Variants in DDX60 observed in about 807,000 individuals in gnomAD.
DDX60 encodes DExD/H-box helicase 60, also known as probable ATP-dependent RNA helicase DDX60.
DDX60 carries 165 observed loss-of-function variants against 212.8 expected under a neutral mutation model. That is an observed-to-expected ratio of 0.78 (90% confidence interval 0.68 to 0.88). The LOEUF (loss-of-function observed/expected upper bound fraction) is 0.88. Ranked by LOEUF, DDX60 falls within the 40% of genes least tolerant of loss-of-function variation. The pLI is 0.00. For missense variants in DDX60, 1,905 were observed against 2,003.9 expected (o/e 0.95, Z 0.94); for synonymous variants, 703 against 685.3 (o/e 1.03, Z -0.40).
At chr4:168,278,822 A>G (rs1488065598) in intron 14 of DDX60, among the ~76,000 whole-genome samples, 3 of 152,188 alleles carry the variant, frequency 2.0e-5, no homozygotes, top group Non-Finnish European at 2.9e-5. Context: ...GCGAGGCTCC[A>G]TCTCAAAAAC....
At chr4:168,271,928 G>T in intron 19 of DDX60, 115 bp downstream of exon 19, 2 of 785,666 alleles carry the variant, frequency 2.5e-6, no homozygotes, top group Non-Finnish European at 4.0e-6. Flanking sequence ...AAAAAACGGA[G>T]GCCTTCTCAA....
At chr4:168,267,182 T>A (rs1734883929) in intron 22 of DDX60, among the ~76,000 whole-genome samples, 1 of 152,194 alleles carries the variant, frequency 6.6e-6, no homozygotes, top group Non-Finnish European at 1.5e-5. Flanking sequence ...AGTGAGAATG[T>A]CTTTTACCTG....
At chr4:168,229,130 G>A (rs562293229) in intron 33 of DDX60, among the ~76,000 whole-genome samples, 1 of 152,070 alleles carries the variant, frequency 6.6e-6, no homozygotes, top group Non-Finnish European at 1.5e-5. Flanking sequence ...AAAGCCAAGA[G>A]AATCCACAGA....
intron 10 of DDX60, among the ~76,000 whole-genome samples, chr4:168,286,596 T>A (rs914999308): frequency 4.6e-5 from 7 of 152,076 alleles, no homozygotes; most frequent in South Asian, 2.1e-4. Flanking sequence ...TTTGTCGGGA[T>A]CCTTTCTTAT....
At chr4:168,234,681 C>G (rs1397837307) in intron 33 of DDX60, among the ~76,000 whole-genome samples, 2 of 151,926 alleles carry the variant, frequency 1.3e-5, no homozygotes, top group Non-Finnish European at 2.9e-5. Flanking sequence ...CTCTTTTCTT[C>G]CTGCTTATTG....
chr4:168,319,459 G>A (rs1268029917), upstream of DDX60, among the ~76,000 whole-genome samples: 7 of 152,156 alleles, frequency 4.6e-5, 1 homozygote, highest in Admixed American at 3.9e-4. Flanking sequence ...AACAATACAT[G>A]AACTTTGAGT....
At chr4:168,248,902 G>A (rs1734115270) in intron 28 of DDX60, among the ~76,000 whole-genome samples, 2 of 151,986 alleles carry the variant, frequency 1.3e-5, no homozygotes, top group South Asian at 2.1e-4. Flanking sequence ...TGGGATTACA[G>A]GCACCCACCA....
intron 35 of DDX60, among the ~76,000 whole-genome samples, chr4:168,222,235 G>T (rs2149490318): frequency 6.6e-6 from 1 of 152,124 alleles, no homozygotes; most frequent in East Asian, 1.9e-4. Flanking sequence ...ATGAGCTAGA[G>T]GATTATACAT....
intron 25 of DDX60, among the ~76,000 whole-genome samples, chr4:168,259,486 C>T (rs1734539757): frequency 6.6e-6 from 1 of 152,018 alleles, no homozygotes; most frequent in Non-Finnish European, 1.5e-5. Flanking sequence ...TACATTCACC[C>T]ATCATCGTTA....
chr4:168,237,248 C>G, intron 32 of DDX60, 38 bp downstream of exon 32: 1 of 1,313,314 alleles, frequency 7.6e-7, no homozygotes. Flanking sequence ...TATTTTTGGA[C>G]TCTCTCTCTA....
Position 168,293,843 on chromosome 4 carries a change from G to T in DDX60, c.826C>A (p.His276Asn). Reference protein sequence around the residue: ...TSCSLSLRMYHRFLGNREPSS... With the variant: ...TSCSLSLRMYNRFLGNREPSS... ...GGCTCTCTGTTTCCTAAAAAGCGAT[G>T]GTACATTCTCAAAGATAATGAGCAT... is the stretch of plus-strand genomic sequence containing the variant. The change falls in exon 7 of 38, where the codon CAT becomes AAT. Residue 276 changes from histidine to asparagine, a missense_variant. Physicochemically the swap from His to Asn is moderately conservative, Grantham distance 68. Coordinates refer to ENST00000393743, the MANE Select transcript of DDX60 (RefSeq NM_017631.6). The T allele has an allele frequency of 6.2e-7, 1 of 1,613,638 alleles. No homozygotes were observed.
chr4:168,299,025 G>A (rs1736530601), intron 6 of DDX60, among the ~76,000 whole-genome samples: 1 of 151,742 alleles, frequency 6.6e-6, no homozygotes, highest in Non-Finnish European at 1.5e-5. Flanking sequence ...GCTGGGCTTG[G>A]TGGCATGAGC....
In DDX60 at chr4:168,285,373, C is replaced by T. The variant is rs766812779; in HGVS notation, c.1445+20G>A. 6 of 1,412,122 alleles carry T rather than the reference C, an allele frequency of 4.2e-6. No individual in the cohort carries two copies. In the East Asian group the frequency reaches 1.1e-4, roughly 27 times the overall value. The allele number at this position is 1,412,122 out of a possible 1,614,324, so 87.5% of individuals were successfully genotyped here. On this transcript the variant is annotated intron_variant, in intron 11 of 37. Coordinates refer to ENST00000393743, the MANE Select transcript of DDX60 (RefSeq NM_017631.6). The stretch of plus-strand genomic sequence containing the variant: ...TATTCCACACAAGTATTTATTGAGG[C>T]ACAGTTTTTGGCCTTATACCTCTTT...
At chr4:168,310,065 A>C (rs1473219485) in intron 3 of DDX60, among the ~76,000 whole-genome samples, 3 of 152,224 alleles carry the variant, frequency 2.0e-5, no homozygotes, top group African/African-American at 7.2e-5. Context: ...GAATTAGTTA[A>C]ATTGATACTT....
intron 7 of DDX60, 143 bp from the exon 8 acceptor site, chr4:168,292,049 C>CTT (rs772095573): frequency 2.2e-3 from 659 of 302,978 alleles, no homozygotes; most frequent in South Asian, 3.1e-3. Context: ...TTCTTTCTTT[C>CTT]TTTTTTTTTT....
At chr4:168,271,722 G>A (rs1735104813) in intron 19 of DDX60, among the ~76,000 whole-genome samples, 2 of 152,148 alleles carry the variant, frequency 1.3e-5, no homozygotes, top group Admixed American at 1.3e-4. Flanking sequence ...TACTTTAGAG[G>A]TCAAAGATTG....
At chr4:168,322,883 TG>T (rs1737634354), upstream of DDX60, among the ~76,000 whole-genome samples, 1 of 152,146 alleles carries the variant, frequency 6.6e-6, no homozygotes, top group East Asian at 1.9e-4. Flanking sequence ...TACCAAAGGA[TG>T]GGGGGAAGCT....
chr4:168,283,384 C>T, intron 13 of DDX60, 62 bp downstream of exon 13: 1 of 1,438,748 alleles, frequency 7.0e-7, no homozygotes, highest in Non-Finnish European at 9.6e-7. Context: ...AGGGATAACA[C>T]ATATCAACCT....
chr4:168,322,623 T>C (rs1220178074), upstream of DDX60, among the ~76,000 whole-genome samples: 1 of 152,216 alleles, frequency 6.6e-6, no homozygotes, highest in Admixed American at 6.5e-5. Flanking sequence ...CAATATTTCC[T>C]CTCTTCTTAG....
Sources: gnomAD v4.1 joint callset for allele counts (sites outside exome capture counted in the v4.1 genomes callset) on GRCh38, gnomAD v4.1.1 for gene constraint, MANE v1.5 for transcripts, NCBI Gene and HGNC (gene_info 2026-07-23, HGNC 2026-07-21) for gene names.